Variants in SLC35F1 observed in about 807,000 individuals in gnomAD.
SLC35F1 encodes the protein chromosome 6 open reading frame 169.
SLC35F1 carries 14 observed loss-of-function variants against 48.7 expected under a neutral mutation model. The observed-to-expected ratio is 0.29, with a 90% CI of 0.19 to 0.45. SLC35F1 has a LOEUF of 0.45. Ranked by LOEUF, SLC35F1 falls within the 20% of genes least tolerant of loss-of-function variation. The probability of loss-of-function intolerance (pLI) is 1.00; values close to 1 mark genes in which losing one functional copy is unlikely to be tolerated. For missense variants in SLC35F1, 404 were observed against 500.0 expected (o/e 0.81, Z 1.83); for synonymous variants, 190 against 202.2 (o/e 0.94, Z 0.51).
intron 1 of SLC35F1, chr6:117,999,327 T>G: frequency 1.3e-6 from 2 of 1,595,754 alleles, no homozygotes; most frequent in Admixed American, 1.7e-5. Flanking sequence ...GGGCTCAGGC[T>G]GTGCCGGCCA....
chr6:118,009,889 A>G (rs1001867809), intron 1 of SLC35F1, among the ~76,000 whole-genome samples: 9 of 152,186 alleles, frequency 5.9e-5, no homozygotes, highest in East Asian at 1.9e-4. Context: ...AATTTTTCTG[A>G]TGTCGAGTGT....
intron 1 of SLC35F1, among the ~76,000 whole-genome samples, chr6:118,015,927 G>A (rs1286077345): frequency 6.6e-6 from 1 of 152,144 alleles, no homozygotes; most frequent in African/African-American, 2.4e-5. Context: ...ATAGTGCTAT[G>A]AACAGCTAAG....
At chr6:117,989,182 C>T (rs757710417) in intron 1 of SLC35F1, among the ~76,000 whole-genome samples, 4 of 152,326 alleles carry the variant, frequency 2.6e-5, no homozygotes, top group Admixed American at 6.5e-5. Context: ...ATCCCAGCAG[C>T]TCGAATGTTA....
intron 1 of SLC35F1, among the ~76,000 whole-genome samples, chr6:118,096,789 T>C (rs910130742): frequency 1.3e-5 from 2 of 152,178 alleles, no homozygotes; most frequent in African/African-American, 4.8e-5. Flanking sequence ...AGAATCATGA[T>C]GGGAAACATA....
At chr6:117,951,662 C>T (rs958357792) in intron 1 of SLC35F1, among the ~76,000 whole-genome samples, 1 of 152,014 alleles carries the variant, frequency 6.6e-6, no homozygotes, top group African/African-American at 2.4e-5. Flanking sequence ...AAGTGTTAAC[C>T]AGTTTGCTTC....
At position 117,965,050 on chromosome 6, in the gene SLC35F1, C is replaced by T. The variant is rs554185917; in HGVS notation, c.173+57151C>T. On this transcript the variant is annotated intron_variant, in intron 1 of 7. Coordinates refer to ENST00000360388, the MANE Select transcript of SLC35F1 (RefSeq NM_001029858.4). ...GAGTCTGACATCTCATTGACCAGAT[C>T]TGGTCATCTGATAAGTTTCAGTTGC... 2.0e-5 allele frequency among the ~76,000 whole-genome samples: 3 copies of T among 152,142 alleles called. No individual in the cohort carries two copies. In the South Asian group the frequency reaches 6.2e-4, roughly 32 times the overall value.
intron 1 of SLC35F1, among the ~76,000 whole-genome samples, chr6:118,040,952 A>T (rs1012115388): frequency 6.6e-6 from 1 of 152,142 alleles, no homozygotes; most frequent in Non-Finnish European, 1.5e-5. Flanking sequence ...GGTTTATTTT[A>T]AAATTACACT....
intron 1 of SLC35F1, among the ~76,000 whole-genome samples, chr6:118,049,344 A>C (rs1772350223): frequency 6.6e-6 from 1 of 152,182 alleles, no homozygotes; most frequent in Non-Finnish European, 1.5e-5. Flanking sequence ...CAATGGCAAC[A>C]AAAGCCAAAA....
At chr6:118,097,154 A>G (rs964268690) in intron 1 of SLC35F1, among the ~76,000 whole-genome samples, 4 of 152,056 alleles carry the variant, frequency 2.6e-5, no homozygotes, top group African/African-American at 4.8e-5. Context: ...CAGTTGCCCC[A>G]GGATAAGGCC....
chr6:118,226,743 T>G (rs1285880558), intron 2 of SLC35F1, among the ~76,000 whole-genome samples: 6 of 152,128 alleles, frequency 3.9e-5, no homozygotes, highest in Admixed American at 3.3e-4. Context: ...GTGAGGTTAA[T>G]TAATGGGTAC....
chr6:117,916,450 A>G (rs140116334), intron 1 of SLC35F1, among the ~76,000 whole-genome samples: 2,007 of 152,174 alleles, frequency 0.013, 55 homozygotes, highest in African/African-American at 0.045. Context: ...CTAATCATGG[A>G]TGGGGGGAGC....
intron 1 of SLC35F1, among the ~76,000 whole-genome samples, chr6:118,070,264 C>T (rs1772682992): frequency 6.6e-6 from 1 of 151,706 alleles, no homozygotes; most frequent in Admixed American, 6.6e-5. Context: ...TCTCTTTTAC[C>T]TTCAGATAGA....
intron 1 of SLC35F1, among the ~76,000 whole-genome samples, chr6:118,095,501 T>C (rs1446286984): frequency 2.0e-5 from 3 of 152,194 alleles, no homozygotes; most frequent in Non-Finnish European, 4.4e-5. Context: ...TTTAAGAAAC[T>C]TGCCTTCAGT....
intron 2 of SLC35F1, among the ~76,000 whole-genome samples, chr6:118,174,032 G>A (rs1013018305): frequency 1.2e-4 from 19 of 152,092 alleles, no homozygotes; most frequent in Admixed American, 1.2e-3. Flanking sequence ...TTGCAAGAAA[G>A]ACCAATCCCA....
At chr6:118,161,424 G>A (rs974257860) in intron 2 of SLC35F1, among the ~76,000 whole-genome samples, 2 of 152,162 alleles carry the variant, frequency 1.3e-5, no homozygotes, top group African/African-American at 2.4e-5. Context: ...CTAAATCACT[G>A]AGAAGGGACT....
chr6:118,297,642 A>G (rs5018969), intron 7 of SLC35F1, among the ~76,000 whole-genome samples: 15 of 37,452 alleles, frequency 4.0e-4, no homozygotes, highest in African/African-American at 1.6e-3. Context: ...ATATATAAAA[A>G]ATATATATAT....
intron 2 of SLC35F1, among the ~76,000 whole-genome samples, chr6:118,232,521 C>G (rs937559445): frequency 7.3e-6 from 1 of 136,358 alleles, no homozygotes; most frequent in African/African-American, 2.9e-5. Context: ...GCACTCCAGC[C>G]TGGGTGACAA....
At position 118,037,629 on chromosome 6, in the gene SLC35F1, T is replaced by C. The variant is rs565398656; in HGVS notation, c.174-116816T>C. ...GACTTGAAACCAACCCAAATGCCCA[T>C]CAGTGATAGGCTGGATAAAGAAAAT... On this transcript the variant is annotated intron_variant, in intron 1 of 7. Coordinates refer to ENST00000360388, the MANE Select transcript of SLC35F1 (RefSeq NM_001029858.4). 2.0e-5 allele frequency among the ~76,000 whole-genome samples: 3 copies of C among 152,182 alleles called. No individual in the cohort carries two copies. In the East Asian group the frequency reaches 5.8e-4, roughly 29 times the overall value.
At chr6:118,255,575 A>G (rs973848852) in intron 3 of SLC35F1, among the ~76,000 whole-genome samples, 2 of 152,196 alleles carry the variant, frequency 1.3e-5, no homozygotes, top group Non-Finnish European at 2.9e-5. Flanking sequence ...TTTTCAGTGC[A>G]TGGCAGTGTC....
Sources: allele counts gnomAD v4.1 joint callset (sites outside exome capture counted in the v4.1 genomes callset), GRCh38; gene constraint gnomAD v4.1.1; transcripts MANE v1.5; gene names NCBI Gene and HGNC (gene_info 2026-07-23, HGNC 2026-07-21).